Variants in ULK2 observed in about 807,000 individuals in gnomAD.
The protein encoded by ULK2 is serine/threonine-protein kinase ULK2.
Under a neutral mutation model 127.5 loss-of-function variants are expected in ULK2, and 76 were observed. The observed-to-expected ratio is 0.60, with a 90% CI of 0.50 to 0.72. ULK2 has a LOEUF of 0.72. Among genes scored for constraint, ULK2 ranks in the 30% least tolerant of loss-of-function variants. The pLI, the probability that ULK2 is intolerant of heterozygous loss-of-function variation, is 0.00. For synonymous variants in ULK2, 452 were observed against 461.9 expected, an observed-to-expected ratio of 0.98 and a Z score of 0.28; for missense variants, 1,144 against 1,295.9, an observed-to-expected ratio of 0.88 and a Z score of 1.80.
chr17:19,848,841 C>A (rs114824620), intron 5 of ULK2, among the ~76,000 whole-genome samples: 157 of 151,784 alleles, frequency 1.0e-3, no homozygotes, highest in African/African-American at 3.1e-3. Context: ...TGCTTCATAT[C>A]CTACATGTAT....
chr17:19,834,946 T>C (rs962989296), intron 10 of ULK2, among the ~76,000 whole-genome samples: 16 of 150,776 alleles, frequency 1.1e-4, no homozygotes, highest in African/African-American at 2.4e-5. Flanking sequence ...AAAAAGACGC[T>C]ATACATGTTT....
At chr17:19,814,467 G>A (rs1318295615) in intron 13 of ULK2, among the ~76,000 whole-genome samples, 13 of 6,588 alleles carry the variant, frequency 2.0e-3, no homozygotes, top group African/African-American at 6.9e-3. Flanking sequence ...TTTTTTTGGA[G>A]ACAGGGTCTT....
intron 3 of ULK2, among the ~76,000 whole-genome samples, chr17:19,854,334 C>A (rs1282393429): frequency 6.6e-6 from 1 of 150,928 alleles, no homozygotes; most frequent in African/African-American, 2.4e-5. Context: ...CTAACACAAA[C>A]CCAACATAGG....
At chr17:19,780,169 C>T (rs2086889173) in intron 25 of ULK2, among the ~76,000 whole-genome samples, 1 of 145,984 alleles carries the variant, frequency 6.9e-6, no homozygotes, top group Non-Finnish European at 1.5e-5. Flanking sequence ...GTAACTCCGT[C>T]TCAAGAAAAA....
At chr17:19,829,039 G>A (rs2041364016) in intron 10 of ULK2, among the ~76,000 whole-genome samples, 1 of 152,152 alleles carries the variant, frequency 6.6e-6, no homozygotes, top group African/African-American at 2.4e-5. Context: ...CTGCACTCCA[G>A]CCTGGGTGAA....
At chr17:19,833,419 A>G (rs1417149928) in intron 10 of ULK2, among the ~76,000 whole-genome samples, 1 of 151,762 alleles carries the variant, frequency 6.6e-6, no homozygotes, top group Non-Finnish European at 1.5e-5. Flanking sequence ...TTAAAAGTAG[A>G]GAAAGCCAGC....
Position 19,816,840 on chromosome 17 carries a change from G to C in ULK2, c.1005C>G (p.Ser335=). The C allele has an allele frequency of 6.2e-7, 1 of 1,612,584 alleles. No individual in the cohort carries two copies. The highest frequency in any genetic ancestry group is 8.5e-7 in the Non-Finnish European group (1 of 1,179,560). ...TGCTACTAGTACTGGCAGAATCTTT[G>C]GAAACTTGTAGATAGTTGGGAGGAC... ...PLGPPNYLQV[S]KDSASTSSKN... The change falls in exon 13 of 27, where the codon TCC becomes TCG. Residue 335 remains serine, a synonymous_variant. Transcript: ENST00000395544.
intron 20 of ULK2, among the ~76,000 whole-genome samples, chr17:19,795,362 A>AT (rs2087245758): frequency 6.6e-6 from 1 of 150,898 alleles, no homozygotes; most frequent in Admixed American, 6.6e-5. Context: ...AAAAAAAAAA[A>AT]AAAAAAAAAA....
rs762519219 is a variant in ULK2, at chr17:19,816,931, C to G, written c.925-11G>C. The stretch of plus-strand genomic sequence containing the variant: ...CATATCTGGAAGGGACTAAAATTAA[C>G]AACATAAAATTAAAACTGGTCTAAT... On this transcript the variant is annotated splice_polypyrimidine_tract_variant and intron_variant, in intron 12 of 26. Transcript: ENST00000395544. 6.3e-7 allele frequency: 1 copy of G among 1,590,076 alleles called. No individual in the cohort carries two copies. Among genetic ancestry groups the G allele is most frequent in the Non-Finnish European group, 8.5e-7 (1 of 1,172,700 alleles).
At chr17:19,828,743 A>C (rs141922616) in intron 10 of ULK2, among the ~76,000 whole-genome samples, 3 of 152,246 alleles carry the variant, frequency 2.0e-5, no homozygotes, top group African/African-American at 7.2e-5. Flanking sequence ...AAATGTAAAT[A>C]GATCTCCTTA....
chr17:19,786,186 G>T, intron 20 of ULK2, 100 bp from the exon 21 acceptor site: 2 of 1,161,096 alleles, frequency 1.7e-6, no homozygotes, highest in South Asian at 1.7e-5. Flanking sequence ...CAGGAGTCTA[G>T]TGGTTTTTTT....
intron 20 of ULK2, among the ~76,000 whole-genome samples, chr17:19,795,029 A>G (rs1189408968): frequency 6.6e-6 from 1 of 152,110 alleles, no homozygotes; most frequent in Non-Finnish European, 1.5e-5. Flanking sequence ...CAGTGAGCCA[A>G]GATTGCGCCA....
intron 17 of ULK2, among the ~76,000 whole-genome samples, chr17:19,798,558 T>C (rs2087324896): frequency 6.6e-6 from 1 of 152,250 alleles, no homozygotes; most frequent in Non-Finnish European, 1.5e-5. Flanking sequence ...GAAGCTTTGC[T>C]ATTGACCACT....
intron 13 of ULK2, 96 bp downstream of exon 13, chr17:19,816,653 T>C (rs2040996094): frequency 9.3e-7 from 1 of 1,076,642 alleles, no homozygotes; most frequent in African/African-American, 1.7e-5. Flanking sequence ...TTTGAAAAGG[T>C]GCCCTACACA....
At chr17:19,843,010 A>T (rs2041801118) in intron 8 of ULK2, 111 bp downstream of exon 8, 1 of 920,770 alleles carries the variant, frequency 1.1e-6, no homozygotes, top group Admixed American at 1.9e-5. Flanking sequence ...AAAGTAACTC[A>T]CAGAGGAGCC....
intron 3 of ULK2, among the ~76,000 whole-genome samples, chr17:19,864,193 C>T (rs1009976734): frequency 4.6e-5 from 7 of 152,104 alleles, no homozygotes; most frequent in Admixed American, 6.5e-5. Flanking sequence ...TTAGGCGGGG[C>T]GCAGTGGCTC....
intron 6 of ULK2, 85 bp from the exon 7 acceptor site, chr17:19,845,462 A>G (rs909749998): frequency 2.0e-6 from 2 of 1,021,962 alleles, no homozygotes; most frequent in African/African-American, 3.2e-5. Context: ...GAGACACAAG[A>G]AGGCACAAAG....
Position 19,850,823 on chromosome 17 carries a change from C to T in ULK2, c.226-1049G>A, listed in dbSNP as rs116961632. The stretch of plus-strand genomic sequence containing the variant: ...CACTCCAGCCTGCAAGAGAGCCAGA[C>T]TCTGTCTCAAAAAATATATATAGAT... On this transcript the variant is annotated intron_variant, in intron 3 of 26. Transcript: ENST00000395544. Among the ~76,000 whole-genome samples the T allele has an allele frequency of 4.8e-3, 726 of 151,824 alleles. 25 individuals carry two copies. The East Asian group carries it at 0.089, about 19-fold the overall frequency.
intron 10 of ULK2, among the ~76,000 whole-genome samples, chr17:19,836,801 G>A (rs1012621835): frequency 2.0e-5 from 3 of 151,818 alleles, no homozygotes; most frequent in African/African-American, 7.3e-5. Flanking sequence ...AGCTACTCGG[G>A]AGGCTGAGGC....
Sources: gnomAD v4.1 joint callset for allele counts (sites outside exome capture counted in the v4.1 genomes callset) on GRCh38, gnomAD v4.1.1 for gene constraint, MANE v1.5 for transcripts, NCBI Gene and HGNC (gene_info 2026-07-23, HGNC 2026-07-21) for gene names.